The following SPAG16 variants were observed in gnomAD, a reference collection of about 807,000 sequenced individuals.
SPAG16 encodes the protein sperm-associated antigen 16 protein.
Under a neutral mutation model 80.4 loss-of-function variants are expected in SPAG16, and 86 were observed. The observed-to-expected ratio is 1.07, with a 90% CI of 0.90 to 1.28. The LOEUF (loss-of-function observed/expected upper bound fraction) is 1.28, where lower values mean the gene tolerates loss of function less well. Among genes scored for constraint, SPAG16 ranks in the 50% most tolerant of loss-of-function variants. The pLI is 0.00. For synonymous variants in SPAG16, 294 were observed against 265.9 expected (o/e 1.11, Z -1.03); for missense variants, 870 against 765.3 (o/e 1.14, Z -1.61).
chr2:214,397,741 A>G (rs1412644223), intron 15 of SPAG16, among the ~76,000 whole-genome samples: 1 of 152,228 alleles, frequency 6.6e-6, no homozygotes, highest in Non-Finnish European at 1.5e-5. Context: ...AAGACAATAG[A>G]AGGTAAAGCA....
intron 10 of SPAG16, among the ~76,000 whole-genome samples, chr2:213,804,389 A>G (rs1343005760): frequency 6.6e-6 from 1 of 152,196 alleles, no homozygotes; most frequent in African/African-American, 2.4e-5. Flanking sequence ...GGGCTACTAA[A>G]GAACATTATA....
chr2:214,123,194 T>C (rs184254839), intron 14 of SPAG16, among the ~76,000 whole-genome samples: 1 of 151,940 alleles, frequency 6.6e-6, no homozygotes, highest in Non-Finnish European at 1.5e-5. Context: ...TACTTTGTTT[T>C]GGTGTTAGAA....
intron 13 of SPAG16, among the ~76,000 whole-genome samples, chr2:214,048,404 A>T (rs1466310432): frequency 6.6e-6 from 1 of 152,226 alleles, no homozygotes; most frequent in Non-Finnish European, 1.5e-5. Flanking sequence ...TCTCACTTGC[A>T]ACAACATGGA....
chr2:213,910,049 A>T (rs1042760067), intron 11 of SPAG16, among the ~76,000 whole-genome samples: 1 of 152,230 alleles, frequency 6.6e-6, no homozygotes, highest in Non-Finnish European at 1.5e-5. Flanking sequence ...CCTTTTACTT[A>T]TACAAATACA....
intron 11 of SPAG16, among the ~76,000 whole-genome samples, chr2:213,923,206 C>A (rs555429512): frequency 2.0e-5 from 3 of 152,186 alleles, no homozygotes; most frequent in Admixed American, 2.0e-4. Context: ...GGTGGGGATG[C>A]TTGTCCTGCT....
At chr2:213,606,241 A>T (rs1333069158) in intron 10 of SPAG16, among the ~76,000 whole-genome samples, 1 of 152,190 alleles carries the variant, frequency 6.6e-6, no homozygotes, top group African/African-American at 2.4e-5. Context: ...GCTTTTTATG[A>T]ATAAAGCTGA....
intron 10 of SPAG16, among the ~76,000 whole-genome samples, chr2:213,701,347 G>C (rs952051715): frequency 5.3e-5 from 8 of 152,196 alleles, no homozygotes. Context: ...AAAAGAAATA[G>C]CATTTAATAA....
intron 15 of SPAG16, among the ~76,000 whole-genome samples, chr2:214,394,308 CTTTT>C (rs201467617): frequency 6.6e-6 from 1 of 150,718 alleles, no homozygotes; most frequent in Non-Finnish European, 1.5e-5. Flanking sequence ...TAGCTTGTTA[CTTTT>C]TTTTTGAGGA....
chr2:213,996,430 G>C (rs751255637), intron 12 of SPAG16, among the ~76,000 whole-genome samples: 1 of 151,950 alleles, frequency 6.6e-6, no homozygotes, highest in African/African-American at 2.4e-5. Flanking sequence ...TGTAAAATCA[G>C]GACTGTCAGG....
intron 10 of SPAG16, among the ~76,000 whole-genome samples, chr2:213,501,023 A>G (rs751941695): frequency 6.6e-6 from 1 of 152,198 alleles, no homozygotes; most frequent in Non-Finnish European, 1.5e-5. Flanking sequence ...AAGTACCTGT[A>G]TATTTCTAAT....
chr2:213,361,559 A>C (rs2065979396), intron 7 of SPAG16, among the ~76,000 whole-genome samples: 1 of 151,694 alleles, frequency 6.6e-6, no homozygotes, highest in Non-Finnish European at 1.5e-5. Context: ...TCTTTGGAGA[A>C]GTGTCTGATT....
At chr2:214,241,780 A>T (rs1227419478) in intron 15 of SPAG16, among the ~76,000 whole-genome samples, 1 of 152,210 alleles carries the variant, frequency 6.6e-6, no homozygotes, top group Admixed American at 6.5e-5. Flanking sequence ...GAATAACTTA[A>T]CAACCTTACA....
chr2:213,829,808 G>A (rs1384468214), intron 10 of SPAG16, among the ~76,000 whole-genome samples: 2 of 152,062 alleles, frequency 1.3e-5, no homozygotes, highest in Non-Finnish European at 2.9e-5. Flanking sequence ...CAGGAATGAC[G>A]GCCTAGAATA....
At position 214,073,382 on chromosome 2, in the gene SPAG16, C is replaced by T. The variant is rs373993025; in HGVS notation, c.1528-34814C>T. On this transcript the variant is annotated intron_variant, in intron 13 of 15. Coordinates refer to ENST00000331683, the MANE Select transcript of SPAG16 (RefSeq NM_024532.5). ...CCTCCTGAGTAGCTGGGATTACAGG[C>T]GCCCACCACCATGCCAGCTAATTTT... 6.3e-4 allele frequency among the ~76,000 whole-genome samples: 95 copies of T among 151,894 alleles called. 2 individuals carry two copies. The East Asian group carries it at 0.016, about 26-fold the overall frequency.
intron 10 of SPAG16, among the ~76,000 whole-genome samples, chr2:213,704,013 C>T (rs1432322948): frequency 2.0e-5 from 3 of 152,130 alleles, no homozygotes; most frequent in East Asian, 3.9e-4. Context: ...AGAGTGTTCT[C>T]CTAGATATAA....
At chr2:214,129,329 C>T (rs148690155) in intron 14 of SPAG16, among the ~76,000 whole-genome samples, 14 of 152,258 alleles carry the variant, frequency 9.2e-5, no homozygotes, top group South Asian at 8.3e-4. Context: ...AGTATGTCAA[C>T]GTAGTCTTCT....
chr2:214,331,863 G>A (rs1696939767), intron 15 of SPAG16, among the ~76,000 whole-genome samples: 1 of 152,220 alleles, frequency 6.6e-6, no homozygotes, highest in Admixed American at 6.5e-5. Context: ...GCTGGCTAAA[G>A]CTTTGTGTGC....
At chr2:213,759,654 A>T (rs2068541259) in intron 10 of SPAG16, among the ~76,000 whole-genome samples, 1 of 152,184 alleles carries the variant, frequency 6.6e-6, no homozygotes, top group African/African-American at 2.4e-5. Context: ...AAAGAAATTT[A>T]AGCAAATCAC....
At chr2:213,986,911 A>T (rs1014396846) in intron 12 of SPAG16, among the ~76,000 whole-genome samples, 1 of 150,372 alleles carries the variant, frequency 6.7e-6, no homozygotes, top group Non-Finnish European at 1.5e-5. Context: ...AAAAAAAAAA[A>T]AAAAAAATCT....
Sources: allele counts gnomAD v4.1 joint callset (sites outside exome capture counted in the v4.1 genomes callset), GRCh38; gene constraint gnomAD v4.1.1; transcripts MANE v1.5; gene names NCBI Gene and HGNC (gene_info 2026-07-23, HGNC 2026-07-21).